Variants in LRFN2 observed in about 807,000 individuals in gnomAD.
The protein encoded by LRFN2 is leucine-rich repeat and fibronectin type-III domain-containing protein 2.
A neutral mutation model predicts 37.3 loss-of-function variants in LRFN2; 18 were observed. The observed-to-expected ratio is 0.48, with a 90% CI of 0.33 to 0.72. The LOEUF (loss-of-function observed/expected upper bound fraction) is 0.72, where lower values mean the gene tolerates loss of function less well. Ranked by LOEUF, LRFN2 falls within the 30% of genes least tolerant of loss-of-function variation. The pLI is 0.02. For synonymous variants in LRFN2, 556 were observed against 466.6 expected, an observed-to-expected ratio of 1.19 and a Z score of -2.47; for missense variants, 1,006 against 1,060.7, an observed-to-expected ratio of 0.95 and a Z score of 0.72.
chr6:40,469,207 A>G (rs182367017), intron 1 of LRFN2, among the ~76,000 whole-genome samples: 91 of 152,272 alleles, frequency 6.0e-4, no homozygotes, highest in African/African-American at 2.2e-3. Flanking sequence ...GAACACCCGG[A>G]GTCATCAGAA....
Position 40,432,298 on chromosome 6 carries a change from C to T in LRFN2, c.816G>A (p.Lys272=), listed in dbSNP as rs757514861. 2 of 1,614,148 alleles carry T rather than the reference C, an allele frequency of 1.2e-6. No individual in the cohort carries two copies. The highest frequency in any genetic ancestry group is 2.2e-5 in the South Asian group (2 of 91,088). The change falls in exon 2 of 3, where the codon AAG becomes AAA. Residue 272 remains lysine (K), a synonymous_variant. Coordinates refer to ENST00000338305, the MANE Select transcript of LRFN2 (RefSeq NM_020737.3). ...CACGCACATGCCAGAAGTAGCGACCCTTGAGGCCCCCTGGGGAGCCACAGG... is the reference window on the plus strand; with the variant it reads ...CACGCACATGCCAGAAGTAGCGACCTTTGAGGCCCCCTGGGGAGCCACAGG... ...LETCGSPGGL[K]GRYFWHVREE... is the part of the protein sequence containing the mutation.
chr6:40,396,669 C>T (rs1762620283), intron 2 of LRFN2, among the ~76,000 whole-genome samples: 1 of 150,374 alleles, frequency 6.7e-6, no homozygotes, highest in Non-Finnish European at 1.5e-5. Context: ...CGGAAGGCGG[C>T]TCCTGATTCC....
chr6:40,478,851 A>G (rs1764764189), intron 1 of LRFN2, among the ~76,000 whole-genome samples: 1 of 152,230 alleles, frequency 6.6e-6, no homozygotes, highest in African/African-American at 2.4e-5. Flanking sequence ...GGAACCAGCT[A>G]GTGGTTTTGG....
intron 1 of LRFN2, among the ~76,000 whole-genome samples, chr6:40,445,027 T>C (rs1031796125): frequency 1.3e-5 from 2 of 152,000 alleles, no homozygotes; most frequent in African/African-American, 4.8e-5. Flanking sequence ...AGGGACCTGC[T>C]TTACTCAGCA....
intron 2 of LRFN2, among the ~76,000 whole-genome samples, chr6:40,395,982 C>T (rs1260811192): frequency 6.6e-6 from 1 of 152,098 alleles, no homozygotes; most frequent in Non-Finnish European, 1.5e-5. Context: ...CCCAGGTCAC[C>T]AAAGATGTAC....
intron 2 of LRFN2, among the ~76,000 whole-genome samples, chr6:40,410,137 C>G (rs963012484): frequency 2.0e-5 from 3 of 152,132 alleles, no homozygotes; most frequent in African/African-American, 7.2e-5. Flanking sequence ...CACTCCCAAC[C>G]CTGGAGTCAG....
chr6:40,509,358 C>A (rs1389511401), intron 1 of LRFN2, among the ~76,000 whole-genome samples: 1 of 152,282 alleles, frequency 6.6e-6, no homozygotes, highest in Non-Finnish European at 1.5e-5. Flanking sequence ...CTCAGTAGTT[C>A]TGAGATGTCG....
intron 1 of LRFN2, among the ~76,000 whole-genome samples, chr6:40,526,955 T>A (rs1280548839): frequency 6.6e-6 from 1 of 152,096 alleles, no homozygotes; most frequent in Non-Finnish European, 1.5e-5. Context: ...CTGGGTGACC[T>A]CAAAGGGACT....
At chr6:40,470,285 G>T (rs1184008043) in intron 1 of LRFN2, among the ~76,000 whole-genome samples, 1 of 152,198 alleles carries the variant, frequency 6.6e-6, no homozygotes, top group African/African-American at 2.4e-5. Context: ...ACAGAGAAAT[G>T]GAGCCAAGTG....
At chr6:40,481,734 T>C (rs1764837217) in intron 1 of LRFN2, among the ~76,000 whole-genome samples, 1 of 151,878 alleles carries the variant, frequency 6.6e-6, no homozygotes, top group African/African-American at 2.4e-5. Flanking sequence ...GCTCCCTGGG[T>C]GAGGTTAGGC....
intron 1 of LRFN2, among the ~76,000 whole-genome samples, chr6:40,441,940 G>C (rs949439537): frequency 6.6e-6 from 1 of 152,188 alleles, no homozygotes; most frequent in Non-Finnish European, 1.5e-5. Flanking sequence ...AGAGGGTGAA[G>C]GTGGAGAATG....
chr6:40,536,929 T>G (rs1003501211), intron 1 of LRFN2, among the ~76,000 whole-genome samples: 1 of 152,232 alleles, frequency 6.6e-6, no homozygotes, highest in Non-Finnish European at 1.5e-5. Flanking sequence ...GTCACTGTTT[T>G]CAGGCTTTAC....
intron 1 of LRFN2, among the ~76,000 whole-genome samples, chr6:40,531,427 C>T (rs1371712091): frequency 6.6e-6 from 1 of 152,170 alleles, no homozygotes; most frequent in Non-Finnish European, 1.5e-5. Context: ...AGGAACACAT[C>T]TTGCCGGGGC....
At chr6:40,568,426 G>A (rs1208306940) in intron 1 of LRFN2, among the ~76,000 whole-genome samples, 1 of 152,194 alleles carries the variant, frequency 6.6e-6, no homozygotes, top group South Asian at 2.1e-4. Context: ...ACGGTTCTCA[G>A]GTTTTATCAA....
intron 1 of LRFN2, among the ~76,000 whole-genome samples, chr6:40,458,087 A>C (rs1437945975): frequency 1.3e-5 from 2 of 152,166 alleles, no homozygotes; most frequent in African/African-American, 4.8e-5. Context: ...GTAAGATTGG[A>C]GGCCGCTTGT....
chr6:40,454,073 C>T (rs1359001132), intron 1 of LRFN2, among the ~76,000 whole-genome samples: 3 of 152,148 alleles, frequency 2.0e-5, no homozygotes, highest in African/African-American at 7.2e-5. Flanking sequence ...CAGACCAAGA[C>T]CATTGATCAT....
chr6:40,428,179 T>TTGCTGCTGTTGC (rs1763397209), intron 2 of LRFN2, among the ~76,000 whole-genome samples: 1 of 152,244 alleles, frequency 6.6e-6, no homozygotes, highest in Admixed American at 6.5e-5. Context: ...TGTACTATTA[T>TTGCTGCTGTTGC]TGCTGCTGTT....
chr6:40,439,591 A>G (rs901011869), intron 1 of LRFN2, among the ~76,000 whole-genome samples: 1 of 152,180 alleles, frequency 6.6e-6, no homozygotes, highest in African/African-American at 2.4e-5. Context: ...TGAAGCCCCT[A>G]TCCCAGCCTT....
intron 1 of LRFN2, among the ~76,000 whole-genome samples, chr6:40,493,009 T>G (rs964936418): frequency 6.6e-6 from 1 of 151,734 alleles, no homozygotes; most frequent in African/African-American, 2.4e-5. Context: ...TGAGGGGGAA[T>G]GAGGACTGAG....
Sources: allele counts gnomAD v4.1 joint callset (sites outside exome capture counted in the v4.1 genomes callset), GRCh38; gene constraint gnomAD v4.1.1; transcripts MANE v1.5; gene names NCBI Gene and HGNC (gene_info 2026-07-23, HGNC 2026-07-21).